The following RANBP2 variants were observed in gnomAD, a reference collection of about 807,000 sequenced individuals.
RANBP2 encodes RAN binding protein 2.
Under a neutral mutation model 303.6 loss-of-function variants are expected in RANBP2, and 57 were observed. The observed-to-expected ratio is 0.19, with a 90% CI of 0.15 to 0.23. RANBP2 has a LOEUF of 0.23. Among genes scored for constraint, RANBP2 ranks in the 10% least tolerant of loss-of-function variants. RANBP2 has a pLI of 1.00. For missense variants in RANBP2, 3,138 were observed against 3,780.8 expected (o/e 0.83, Z 4.46); for synonymous variants, 1,167 against 1,301.5 (o/e 0.90, Z 2.23).
At chr2:108,964,794 T>C in the RANBP2 span, among the ~76,000 whole-genome samples, 8 of 152,286 alleles carry the variant, frequency 5.3e-5, no homozygotes, top group African/African-American at 1.9e-4. Context: ...CCCAGAGAGC[T>C]GAGGTTCCTA....
chr2:109,573,759 T>C, the RANBP2 span, among the ~76,000 whole-genome samples: 1 of 152,256 alleles, frequency 6.6e-6, no homozygotes, highest in African/African-American at 2.4e-5. Context: ...TTAGCCATTT[T>C]TTAAACAAAT....
At chr2:109,664,098 A>T in the RANBP2 span, among the ~76,000 whole-genome samples, 1 of 152,232 alleles carries the variant, frequency 6.6e-6, no homozygotes, top group Non-Finnish European at 1.5e-5. Flanking sequence ...GTTGCTCAGC[A>T]GCCCTAATTA....
the RANBP2 span, among the ~76,000 whole-genome samples, chr2:109,048,802 C>G: frequency 5.4e-4 from 82 of 152,246 alleles, no homozygotes; most frequent in African/African-American, 1.9e-3. Flanking sequence ...ATTTTTAGAG[C>G]AGGAGCAAGA....
At chr2:109,528,458 A>G in the RANBP2 span, among the ~76,000 whole-genome samples, 2 of 152,226 alleles carry the variant, frequency 1.3e-5, no homozygotes, top group Admixed American at 1.3e-4. Context: ...CCTCCTGGGA[A>G]GGATCAAGCC....
chr2:109,637,336 G>C, the RANBP2 span, among the ~76,000 whole-genome samples: 11 of 152,282 alleles, frequency 7.2e-5, no homozygotes, highest in Non-Finnish European at 8.8e-5. Context: ...CCCAGGGGCA[G>C]GCAGGAGACA....
the RANBP2 span, among the ~76,000 whole-genome samples, chr2:109,670,793 A>C: frequency 6.6e-6 from 1 of 151,774 alleles, no homozygotes; most frequent in Admixed American, 6.6e-5. Flanking sequence ...GGGGAATCAC[A>C]AGGGGACAGG....
At chr2:109,256,971 A>G in the RANBP2 span, among the ~76,000 whole-genome samples, 4 of 152,054 alleles carry the variant, frequency 2.6e-5, no homozygotes. Flanking sequence ...TGCTGGAGGG[A>G]GTTATTCCGC....
chr2:109,073,625 C>T, the RANBP2 span, among the ~76,000 whole-genome samples: 852 of 149,126 alleles, frequency 5.7e-3, 14 homozygotes, highest in African/African-American at 0.019. Context: ...GCTGAGATTG[C>T]GCCACTGCAC....
chr2:109,078,295 TATATA>T, the RANBP2 span, among the ~76,000 whole-genome samples: 2 of 127,432 alleles, frequency 1.6e-5, 1 homozygote, highest in Non-Finnish European at 3.3e-5. Flanking sequence ...TATATATATA[TATATA>T]GCGTGTATAT....
chr2:109,054,483 G>A, the RANBP2 span, among the ~76,000 whole-genome samples: 2 of 152,174 alleles, frequency 1.3e-5, no homozygotes, highest in Admixed American at 6.5e-5. Context: ...GAGGTGGGCA[G>A]ATCACGAGGT....
intron 1 of RANBP2, among the ~76,000 whole-genome samples, chr2:108,728,595 T>TATTATG (rs1694919307): frequency 6.9e-6 from 1 of 145,614 alleles, no homozygotes; most frequent in South Asian, 2.3e-4. Flanking sequence ...CCAGCTTATT[T>TATTATG]ATGATGATGA....
At chr2:109,342,677 A>T in the RANBP2 span, among the ~76,000 whole-genome samples, 1 of 152,184 alleles carries the variant, frequency 6.6e-6, no homozygotes. Context: ...GGCTTGCCTG[A>T]GAGTCCCAAC....
chr2:109,326,690 G>T, the RANBP2 span, among the ~76,000 whole-genome samples: 9 of 152,170 alleles, frequency 5.9e-5, no homozygotes, highest in Non-Finnish European at 8.8e-5. Flanking sequence ...TTTCTTGAAA[G>T]ATCTATCTGT....
At chr2:109,093,120 T>C in the RANBP2 span, among the ~76,000 whole-genome samples, 1 of 152,208 alleles carries the variant, frequency 6.6e-6, no homozygotes, top group Non-Finnish European at 1.5e-5. Flanking sequence ...AAAGTTATCT[T>C]GAGCAGTTAA....
At chr2:108,967,862 A>G in the RANBP2 span, among the ~76,000 whole-genome samples, 26 of 152,206 alleles carry the variant, frequency 1.7e-4, no homozygotes, top group Admixed American at 1.7e-3. Flanking sequence ...TATTGAGAGC[A>G]GTGACTTCAC....
rs781507304 is a variant in RANBP2 at position 108,765,921 on chromosome 2, T to C, written c.5382T>C (p.Asn1794=). Residue 1794 remains asparagine (N), a synonymous_variant, in exon 20 of 29, where the codon AAT becomes AAC. Transcript: ENST00000283195. ...ATTGTAGTGTTTGCTGTGTACAAAATGAGAGTTCTTCCTTAAAATGTGTGG... is the reference window on the plus strand; with the variant it reads ...ATTGTAGTGTTTGCTGTGTACAAAACGAGAGTTCTTCCTTAAAATGTGTGG... ...QWDCSVCCVQ[N]ESSSLKCVAC... is the part of the protein sequence containing the mutation. The C allele has an allele frequency of 6.8e-6, 11 of 1,614,200 alleles. No individual in the cohort carries two copies. In the South Asian group the frequency reaches 1.1e-4, roughly 16 times the overall value.
the RANBP2 span, among the ~76,000 whole-genome samples, chr2:109,385,181 CTCAGTTTCCTCATCTGTG>C: frequency 4.3e-4 from 66 of 152,354 alleles, no homozygotes; most frequent in African/African-American, 1.6e-3. Context: ...CTCCCTGTGC[CTCAGTTTCCTCATCTGTG>C]TAATGGGAGT....
the RANBP2 span, among the ~76,000 whole-genome samples, chr2:108,995,640 G>A: frequency 6.6e-6 from 1 of 152,220 alleles, no homozygotes; most frequent in Non-Finnish European, 1.5e-5. Flanking sequence ...CTGGCTAAAT[G>A]GTTGCATTTC....
the RANBP2 span, among the ~76,000 whole-genome samples, chr2:109,534,729 G>A: frequency 6.6e-6 from 1 of 151,264 alleles, no homozygotes; most frequent in African/African-American, 2.4e-5. Flanking sequence ...GCAGTGAGCT[G>A]AGATTGTGCC....
Sources: gnomAD v4.1 joint callset for allele counts (sites outside exome capture counted in the v4.1 genomes callset) on GRCh38, gnomAD v4.1.1 for gene constraint, MANE v1.5 for transcripts, NCBI Gene and HGNC (gene_info 2026-07-23, HGNC 2026-07-21) for gene names.